DNMT3A: variants seen among roughly 807,000 people sequenced by gnomAD.
DNMT3A encodes DNA (cytosine-5)-methyltransferase 3A.
In DNMT3A, 267 loss-of-function variants were observed where a neutral mutation model predicts 117.6. The observed-to-expected ratio is 2.27, with a 90% CI of 2.05 to 2.51. DNMT3A has a LOEUF of 2.51. Ranked by LOEUF, DNMT3A falls within the 30% of genes most tolerant of loss-of-function variation. DNMT3A has a pLI of 0.00. For missense variants in DNMT3A, 1,029 were observed against 1,260.2 expected (o/e 0.82, Z 2.78); for synonymous variants, 432 against 474.8 (o/e 0.91, Z 1.17).
rs74956460 is a variant in DNMT3A, at chr2:25,328,542, G to A, written c.-178+13284C>T. ...ATATAGATGTGTCTGATTTCTCAAA[G>A]AGACGAGGTCAGAGTTCATGCGTTG... On this transcript the variant is annotated intron_variant, in intron 1 of 22. Transcript: ENST00000321117. 2.0e-3 allele frequency: 875 copies of A among 434,978 alleles called. 13 individuals carry two copies. The highest frequency in any genetic ancestry group is 0.016 in the African/African-American group (806 of 49,642). The allele number at this position is 434,978 out of a possible 1,614,324, so 26.9% of individuals were successfully genotyped here.
rs1193256710 is a variant in DNMT3A at position 25,289,073 on chromosome 2, T to C, written c.178-6362A>G. On this transcript the variant is annotated intron_variant, in intron 3 of 22. Coordinates refer to ENST00000321117, the MANE Select transcript of DNMT3A (RefSeq NM_022552.5). ...ATCTAATTATCTGTTTACTGTGGCC[T>C]CCCTCCTCGACTGTGAGCCTTGCCT... Among the ~76,000 whole-genome samples, 3 of 151,646 alleles carry C rather than the reference T, an allele frequency of 2.0e-5. No homozygotes were observed. In the East Asian group the frequency reaches 5.8e-4, roughly 29 times the overall value.
rs1212021541 is a variant in DNMT3A, at chr2:25,236,638, G to A, written c.2478+298C>T. ...GCTGCTTTGAGGGCTTTTGTAATAG[G>A]TTTTGGCCAAAAAATTTAAAAATGA... On this transcript the variant is annotated intron_variant, in intron 21 of 22. Transcript: ENST00000321117. The surrounding 1 kb of genome is among the most constrained non-coding windows in gnomAD (Gnocchi z 4.5). Among the ~76,000 whole-genome samples, 2 of 151,628 alleles carry A rather than the reference G, an allele frequency of 1.3e-5. No individual in the cohort carries two copies. Among genetic ancestry groups the A allele is most frequent in the Admixed American group, 6.6e-5 (1 of 15,230 alleles).
intron 13 of DNMT3A, 70 bp from the exon 14 acceptor site, chr2:25,244,722 CCACACCTGGCCT>C: frequency 7.6e-7 from 1 of 1,311,908 alleles, no homozygotes; most frequent in South Asian, 1.2e-5. Flanking sequence ...AAGGGAGGCT[CCACACCTGGCCT>C]CACAGAGCCT....
chr2:25,300,729 A>T (rs1466995109), intron 2 of DNMT3A, among the ~76,000 whole-genome samples: 30 of 29,962 alleles, frequency 1.0e-3, no homozygotes, highest in African/African-American at 4.5e-3. Context: ...ATATATATAT[A>T]TATATATATA....
chr2:25,271,494 C>T (rs2030902516), intron 6 of DNMT3A, among the ~76,000 whole-genome samples: 1 of 152,232 alleles, frequency 6.6e-6, no homozygotes, highest in South Asian at 2.1e-4. Flanking sequence ...CCAGGCATAG[C>T]CCAGGAGGAG....
At chr2:25,283,028 T>A (rs2032004382) in intron 3 of DNMT3A, among the ~76,000 whole-genome samples, 1 of 152,068 alleles carries the variant, frequency 6.6e-6, no homozygotes, top group African/African-American at 2.4e-5. Flanking sequence ...TCACTGAGGT[T>A]ACATAGGACG....
In DNMT3A at chr2:25,313,926, T is replaced by A; in HGVS notation, c.59A>T (p.Glu20Val). 6 of 1,549,794 alleles carry A rather than the reference T, an allele frequency of 3.9e-6. 1 individual carries two copies. The South Asian group carries it at 7.1e-5, about 18-fold the overall frequency. Residue 20 changes from glutamate (E) to valine (V), a missense_variant, in exon 2 of 23, where the codon GAG becomes GTG. Transcript: ENST00000321117. The stretch of plus-strand genomic sequence containing the variant: ...CCCGCTGCTCACCTTTCGGTCCTCC[T>A]CCCGCTCCGCAGCAGAGCTGCTGGT... Reference protein sequence around the residue: ...GDTSSSAAEREEDRKDGEEQE... With the variant: ...GDTSSSAAERVEDRKDGEEQE...
chr2:25,266,032 AG>A (rs1008731572), intron 6 of DNMT3A, among the ~76,000 whole-genome samples: 1 of 152,144 alleles, frequency 6.6e-6, no homozygotes, highest in Admixed American at 6.5e-5. Flanking sequence ...ACTAAAAAGT[AG>A]GGGTTGTTCT....
chr2:25,340,683 T>A (rs1480654635), intron 1 of DNMT3A, among the ~76,000 whole-genome samples: 1 of 151,980 alleles, frequency 6.6e-6, no homozygotes, highest in Non-Finnish European at 1.5e-5. Context: ...ACTGTGCAGA[T>A]GCGAAGCTTT....
chr2:25,245,267 A>G lies in DNMT3A; in HGVS notation c.1540T>C (p.Cys514Arg), dbSNP rs1200958684. 6.2e-7 allele frequency: 1 copy of G among 1,613,890 alleles called. No individual in the cohort carries two copies. Among genetic ancestry groups the G allele is most frequent in the African/African-American group, 1.3e-5 (1 of 75,056 alleles). ...LEHPLFVGGM[C>R]QNCKNCFLEC... The stretch of plus-strand genomic sequence containing the variant: ...TGTGCTCCTACCTTGCAGTTTTGGC[A>G]CATTCCTCCAACGAAGAGGGGGTGT... The change falls in exon 13 of 23, where the codon TGC becomes CGC. Residue 514 changes from cysteine (C) to arginine (R), a missense_variant. Physicochemically the swap from Cys to Arg is radical, Grantham distance 180. Coordinates refer to ENST00000321117, the MANE Select transcript of DNMT3A (RefSeq NM_022552.5).
In DNMT3A at chr2:25,337,624, G is replaced by A. The variant is rs1020649588; in HGVS notation, c.-178+4202C>T. On this transcript the variant is annotated intron_variant, in intron 1 of 22. Transcript: ENST00000321117. The surrounding 1 kb of genome is among the most constrained non-coding windows in gnomAD (Gnocchi z 5.0). ...GGAAGCAAGTCCTACCCATCCACAG[G>A]TGGCGGCACACCACGTACACACACA... 3.3e-5 allele frequency among the ~76,000 whole-genome samples: 5 copies of A among 152,184 alleles called. No homozygotes were observed. Among genetic ancestry groups the A allele is most frequent in the African/African-American group, 1.2e-4 (5 of 41,442 alleles).
chr2:25,326,899 A>G (rs1051035300), intron 1 of DNMT3A, among the ~76,000 whole-genome samples: 3 of 152,202 alleles, frequency 2.0e-5, no homozygotes, highest in Non-Finnish European at 4.4e-5. Context: ...CCCTGGGAAA[A>G]CGTAGCAGCG....
rs1199553204 is a variant in DNMT3A, at chr2:25,294,891, TC to T, written c.177+5247del. Among the ~76,000 whole-genome samples the T allele has an allele frequency of 6.6e-6, 1 of 151,990 alleles. No homozygotes were observed. The highest frequency in any genetic ancestry group is 1.9e-4 in the East Asian group (1 of 5,180). ...CCAGCGCCCAGCCCCCTCCTCCTCCTCCCTCCCATTCTGGGTTATTCTTAGC... is the reference window on the plus strand; with the variant it reads ...CCAGCGCCCAGCCCCCTCCTCCTCCTCCTCCCATTCTGGGTTATTCTTAGC... On this transcript the variant is annotated intron_variant, in intron 3 of 22. Transcript: ENST00000321117. The surrounding 1 kb of genome is among the most constrained non-coding windows in gnomAD (Gnocchi z 4.7).
intron 1 of DNMT3A, among the ~76,000 whole-genome samples, chr2:25,325,248 T>A (rs1469934731): frequency 6.6e-6 from 1 of 152,126 alleles, no homozygotes; most frequent in Non-Finnish European, 1.5e-5. Flanking sequence ...GATTTCCAAG[T>A]GCTGCAAGCC....
chr2:25,300,768 T>TATAA (rs2033465917), intron 2 of DNMT3A, among the ~76,000 whole-genome samples: 3 of 61,138 alleles, frequency 4.9e-5, no homozygotes, highest in African/African-American at 6.5e-5. Flanking sequence ...TATATATATA[T>TATAA]AAATAATACA....
chr2:25,294,870 C>T lies in DNMT3A; in HGVS notation c.177+5269G>A, dbSNP rs1477790538. ...TGGGCTCAGCTGAGCTCAGCACCAG[C>T]GCCCAGCCCCCTCCTCCTCCTCCCT... is the stretch of plus-strand genomic sequence containing the variant. On this transcript the variant is annotated intron_variant, in intron 3 of 22. Coordinates refer to ENST00000321117, the MANE Select transcript of DNMT3A (RefSeq NM_022552.5). This position sits in a 1 kb window ranked among gnomAD's most constrained non-coding sequence, Gnocchi z 4.7. Among the ~76,000 whole-genome samples, 1 of 152,204 alleles carries T rather than the reference C, an allele frequency of 6.6e-6. No homozygotes were observed. The highest frequency in any genetic ancestry group is 6.5e-5 in the Admixed American group (1 of 15,286).
At chr2:25,290,235 A>AAT (rs1330060578) in intron 3 of DNMT3A, among the ~76,000 whole-genome samples, 1 of 152,036 alleles carries the variant, frequency 6.6e-6, no homozygotes, top group Non-Finnish European at 1.5e-5. Context: ...TGCAGCCTCA[A>AAT]ATTCAACGAT....
At position 25,246,242 on chromosome 2, in the gene DNMT3A, T is replaced by G. The variant is rs778461346; in HGVS notation, c.1347A>C (p.Ala449=). 8 of 1,614,094 alleles carry G rather than the reference T, an allele frequency of 5.0e-6. No homozygotes were observed. Among genetic ancestry groups the G allele is most frequent in the Non-Finnish European group, 6.8e-6 (8 of 1,179,970 alleles). The part of the protein sequence containing the change: ...MWVEPEAAAY[A]PPPPAKKPRK... ...GGGGCTTTTTGGCTGGTGGAGGTGG[T>G]GCGTAGGCAGCTGCCTCAGGTTCCA... The change falls in exon 11 of 23, where the codon GCA becomes GCC. Residue 449 remains alanine (A), a synonymous_variant. Coordinates refer to ENST00000321117, the MANE Select transcript of DNMT3A (RefSeq NM_022552.5).
intron 6 of DNMT3A, among the ~76,000 whole-genome samples, chr2:25,271,262 G>A (rs138758458): frequency 0.011 from 1,611 of 152,210 alleles, 31 homozygotes; most frequent in African/African-American, 0.036. Flanking sequence ...CAGGAGAATC[G>A]CCTCAACCCA....
Sources: allele counts gnomAD v4.1 joint callset (sites outside exome capture counted in the v4.1 genomes callset), GRCh38; gene constraint gnomAD v4.1.1; non-coding constraint Gnocchi (gnomAD v3.1); transcripts MANE v1.5; gene names NCBI Gene and HGNC (gene_info 2026-07-23, HGNC 2026-07-21).